FUT8: variants seen among roughly 807,000 people sequenced by gnomAD.
The protein encoded by FUT8 is fucosyltransferase 8, also known as alpha-(1,6)-fucosyltransferase.
Under a neutral mutation model 71.3 loss-of-function variants are expected in FUT8, and 29 were observed. That is an observed-to-expected ratio of 0.41 (90% CI 0.30 to 0.55). The LOEUF (loss-of-function observed/expected upper bound fraction) is 0.55. Among genes scored for constraint, FUT8 ranks in the 20% least tolerant of loss-of-function variants. The probability of loss-of-function intolerance (pLI) is 0.34; values close to 1 mark genes in which losing one functional copy is unlikely to be tolerated. For missense variants in FUT8, 544 were observed against 702.1 expected (o/e 0.77, Z 2.55); for synonymous variants, 254 against 239.3 (o/e 1.06, Z -0.57).
chr14:65,431,524 G>T (rs61989991), intron 1 of FUT8, among the ~76,000 whole-genome samples: 3,250 of 151,790 alleles, frequency 0.021, 49 homozygotes, highest in East Asian at 0.036. Flanking sequence ...CATTGCCTGG[G>T]CTGGTCTTGA....
At chr14:65,372,392 ATAAC>A in the FUT8 span, among the ~76,000 whole-genome samples, 1 of 152,086 alleles carries the variant, frequency 6.6e-6, no homozygotes, top group Non-Finnish European at 1.5e-5. Context: ...TCTTAGTTTC[ATAAC>A]TAACCTCTTT....
At chr14:65,535,767 G>T (rs1884263768) in intron 2 of FUT8, among the ~76,000 whole-genome samples, 1 of 152,150 alleles carries the variant, frequency 6.6e-6, no homozygotes, top group African/African-American at 2.4e-5. Flanking sequence ...TTGTTTTGGG[G>T]TAGAGTTCTA....
intron 2 of FUT8, among the ~76,000 whole-genome samples, chr14:65,509,968 A>G (rs965875257): frequency 6.6e-5 from 10 of 152,156 alleles, no homozygotes; most frequent in African/African-American, 2.4e-4. Flanking sequence ...TCCCAGTACT[A>G]TAATGAATAA....
At chr14:65,692,360 GACCCCCCCACC>G (rs1893672170) in intron 7 of FUT8, among the ~76,000 whole-genome samples, 5 of 145,008 alleles carry the variant, frequency 3.4e-5, no homozygotes, top group African/African-American at 2.5e-5. Flanking sequence ...GCGGGGGGCT[GACCCCCCCACC>G]TCCCTCCCGG....
intron 5 of FUT8, among the ~76,000 whole-genome samples, chr14:65,621,504 C>T (rs972169546): frequency 2.6e-5 from 4 of 151,244 alleles, no homozygotes; most frequent in Non-Finnish European, 1.5e-5. Context: ...CGCCTTGGCC[C>T]GTTTGTGCTA....
rs542574709 is a variant in FUT8 at position 65,542,178 on chromosome 14, C to T, written c.-227-19159C>T. Among the ~76,000 whole-genome samples, 4 of 152,274 alleles carry T rather than the reference C, an allele frequency of 2.6e-5. No individual in the cohort carries two copies. In the East Asian group the frequency reaches 7.7e-4, roughly 29 times the overall value. On this transcript the variant is annotated intron_variant, in intron 2 of 10. Coordinates refer to ENST00000673929, the MANE Select transcript of FUT8 (RefSeq NM_001371533.1). ...TATAAATGTAATCGTTATTATTATA[C>T]TTAATGAGAGACCAGCGTAATAGGA...
rs200701900 is a variant in FUT8 at position 65,550,060 on chromosome 14, A to AAAAAC, written c.-227-11257_-227-11253dup. On this transcript the variant is annotated intron_variant, in intron 2 of 10. Transcript: ENST00000673929. This position sits in a 1 kb window ranked among gnomAD's most constrained non-coding sequence, Gnocchi z 4.5. ...TGGGTGACAGAGCGAGACTCTGTCT[A>AAAAAC]AAAACAAAACAAAACAAAACAAAAA... Among the ~76,000 whole-genome samples the AAAAAC allele has an allele frequency of 6.6e-5, 10 of 152,192 alleles. No homozygotes were observed. Among genetic ancestry groups the AAAAAC allele is most frequent in the East Asian group, 3.9e-4 (2 of 5,168 alleles).
chr14:65,526,485 C>T (rs1490872414), intron 2 of FUT8, among the ~76,000 whole-genome samples: 2 of 152,166 alleles, frequency 1.3e-5, no homozygotes, highest in East Asian at 3.8e-4. Context: ...CTCCTGAATA[C>T]AGCACACTGA....
intron 2 of FUT8, among the ~76,000 whole-genome samples, chr14:65,490,579 A>G (rs946827181): frequency 6.6e-6 from 1 of 152,120 alleles, no homozygotes; most frequent in Admixed American, 6.6e-5. Context: ...ATTTTACTCT[A>G]CTAGGAAATT....
At chr14:65,509,544 C>T (rs1323023872) in intron 2 of FUT8, among the ~76,000 whole-genome samples, 5 of 151,974 alleles carry the variant, frequency 3.3e-5, no homozygotes, top group Admixed American at 3.3e-4. Context: ...ATTCTTCCAA[C>T]CCATAAACAT....
At chr14:65,621,868 A>G (rs1889633767) in intron 5 of FUT8, among the ~76,000 whole-genome samples, 1 of 152,124 alleles carries the variant, frequency 6.6e-6, no homozygotes, top group Admixed American at 6.5e-5. Flanking sequence ...TGTGTCATCC[A>G]GGCAGAAGTG....
intron 6 of FUT8, among the ~76,000 whole-genome samples, chr14:65,647,744 T>TGTC (rs1891182703): frequency 6.6e-6 from 1 of 152,194 alleles, no homozygotes; most frequent in African/African-American, 2.4e-5. Context: ...AAGTAAATGT[T>TGTC]GTCAGGAAAA....
At chr14:65,634,006 A>G (rs899327358) in intron 6 of FUT8, among the ~76,000 whole-genome samples, 3 of 149,830 alleles carry the variant, frequency 2.0e-5, no homozygotes, top group Admixed American at 6.6e-5. Flanking sequence ...CTGCCCGGCC[A>G]CCGCTACTGG....
chr14:65,692,954 C>G (rs1293516732), intron 7 of FUT8, among the ~76,000 whole-genome samples: 2 of 151,606 alleles, frequency 1.3e-5, no homozygotes, highest in Non-Finnish European at 2.9e-5. Flanking sequence ...GGGATGGTGG[C>G]CGGGAAGAGG....
intron 2 of FUT8, among the ~76,000 whole-genome samples, chr14:65,513,896 G>A (rs1413458901): frequency 2.0e-5 from 3 of 152,184 alleles, no homozygotes; most frequent in East Asian, 3.8e-4. Context: ...GAATGTCTAT[G>A]AATATATATG....
chr14:65,502,572 C>T (rs916794239), intron 2 of FUT8, among the ~76,000 whole-genome samples: 3 of 152,118 alleles, frequency 2.0e-5, no homozygotes, highest in Admixed American at 6.5e-5. Flanking sequence ...TTTTTGGTAA[C>T]TTACATTTAA....
Position 65,489,359 on chromosome 14 carries a change from C to T in FUT8, c.-228+33641C>T, listed in dbSNP as rs921624698. 4.6e-5 allele frequency among the ~76,000 whole-genome samples: 7 copies of T among 152,052 alleles called. No homozygotes were observed. Among genetic ancestry groups the T allele is most frequent in the African/African-American group, 1.4e-4 (6 of 41,410 alleles). ...TTTTCTGGGACGTATCTCTTTTAGT[C>T]TCCGTATATTAAATCTTAGGGAACC... On this transcript the variant is annotated intron_variant, in intron 2 of 10. Coordinates refer to ENST00000673929, the MANE Select transcript of FUT8 (RefSeq NM_001371533.1). This position sits in a 1 kb window ranked among gnomAD's most constrained non-coding sequence, Gnocchi z 4.0.
At chr14:65,527,921 G>A (rs1296975126) in intron 2 of FUT8, among the ~76,000 whole-genome samples, 7 of 152,286 alleles carry the variant, frequency 4.6e-5, no homozygotes, top group South Asian at 2.1e-4. Context: ...CTTCATCTCA[G>A]AGGGGTACAC....
At chr14:65,698,830 G>A (rs112273849) in intron 7 of FUT8, among the ~76,000 whole-genome samples, 89 of 152,226 alleles carry the variant, frequency 5.8e-4, no homozygotes, top group Non-Finnish European at 1.1e-3. Context: ...GCCTGCAATA[G>A]TGGTAGTTAC....
Sources: gnomAD v4.1 joint callset for allele counts (sites outside exome capture counted in the v4.1 genomes callset) on GRCh38, gnomAD v4.1.1 for gene constraint, Gnocchi (gnomAD v3.1) non-coding constraint, MANE v1.5 for transcripts, NCBI Gene and HGNC (gene_info 2026-07-23, HGNC 2026-07-21) for gene names.